SRGAP2: variants seen among roughly 807,000 people sequenced by gnomAD.
SRGAP2 encodes the protein SLIT-ROBO Rho GTPase activating protein 2.
Under a neutral mutation model 57.2 loss-of-function variants are expected in SRGAP2, and 15 were observed. The ratio of observed to expected loss-of-function variants is 0.26; its 90% CI spans 0.18 to 0.40. SRGAP2 has a LOEUF of 0.40. SRGAP2 is among the 10% of genes least tolerant of loss of function. The pLI, the probability that SRGAP2 is intolerant of heterozygous loss-of-function variation, is 1.00. For synonymous variants in SRGAP2, 249 were observed against 248.0 expected (o/e 1.00, Z -0.04); for missense variants, 520 against 669.6 (o/e 0.78, Z 2.47).
intron 5 of SRGAP2, among the ~76,000 whole-genome samples, chr1:206,392,182 C>T (rs373809194): frequency 0.016 from 2,342 of 150,844 alleles, 62 homozygotes; most frequent in African/African-American, 0.054. Flanking sequence ...AATGCCAGGC[C>T]GGTAAAAGGA....
intron 10 of SRGAP2, among the ~76,000 whole-genome samples, chr1:206,412,734 CA>C (rs1553360057): frequency 6.6e-6 from 1 of 152,214 alleles, no homozygotes; most frequent in African/African-American, 2.4e-5. Flanking sequence ...TGTCCAACAG[CA>C]ACAGAAACCT....
intron 3 of SRGAP2, among the ~76,000 whole-genome samples, chr1:206,318,648 T>G (rs61816784): frequency 0.13 from 18,825 of 150,578 alleles, 1,121 homozygotes; most frequent in African/African-American, 0.32. Context: ...TGCTGGTGTC[T>G]GCTTCTGGTG....
chr1:206,298,757 A>G (rs1447234542), intron 2 of SRGAP2, among the ~76,000 whole-genome samples: 2 of 152,218 alleles, frequency 1.3e-5, no homozygotes, highest in East Asian at 3.8e-4. Flanking sequence ...AAAAAACATA[A>G]TAAGAAAAAA....
chr1:206,378,377 A>G (rs553749348), intron 4 of SRGAP2, among the ~76,000 whole-genome samples: 691 of 152,208 alleles, frequency 4.5e-3, no homozygotes, highest in Non-Finnish European at 8.1e-3. Context: ...CTACATGGGA[A>G]GCTGAGGGAG....
At chr1:206,331,867 A>T in intron 3 of SRGAP2, among the ~76,000 whole-genome samples, 1 of 63,348 alleles carries the variant, frequency 1.6e-5, no homozygotes, top group Admixed American at 1.7e-4. Flanking sequence ...TTAGCTGGTG[A>T]TTTTGCTCGT....
intron 3 of SRGAP2, among the ~76,000 whole-genome samples, chr1:206,341,762 C>T (rs1675208890): frequency 6.6e-6 from 1 of 152,118 alleles, no homozygotes; most frequent in African/African-American, 2.4e-5. Context: ...TTTTGGGAGG[C>T]CAAGGTGGGT....
intron 2 of SRGAP2, among the ~76,000 whole-genome samples, chr1:206,258,939 G>A (rs1196251668): frequency 2.1e-5 from 3 of 142,964 alleles, no homozygotes; most frequent in Non-Finnish European, 3.0e-5. Context: ...GACAGAGCTC[G>A]GTGGCATGAT....
intron 14 of SRGAP2, among the ~76,000 whole-genome samples, chr1:206,435,688 TG>T (rs1244829191): frequency 6.6e-6 from 1 of 152,256 alleles, no homozygotes; most frequent in African/African-American, 2.4e-5. Context: ...GTCATGGCCC[TG>T]GTTCTTACTT....
At chr1:206,237,674 A>G (rs1667991342) in intron 2 of SRGAP2, among the ~76,000 whole-genome samples, 1 of 151,906 alleles carries the variant, frequency 6.6e-6, no homozygotes, top group African/African-American at 2.4e-5. Flanking sequence ...ATAATAATTT[A>G]ATATGTAATT....
At chr1:206,307,100 C>T (rs1372339648) in intron 3 of SRGAP2, among the ~76,000 whole-genome samples, 1 of 151,936 alleles carries the variant, frequency 6.6e-6, no homozygotes, top group African/African-American at 2.4e-5. Context: ...CAGCTAGATA[C>T]AGAGTGTCGA....
intron 13 of SRGAP2, among the ~76,000 whole-genome samples, chr1:206,427,082 T>A (rs1372902308): frequency 6.6e-6 from 1 of 152,176 alleles, no homozygotes; most frequent in South Asian, 2.1e-4. Flanking sequence ...GTTTTTTTTT[T>A]AGTCATTTCA....
At chr1:206,370,876 C>T (rs1435773344) in intron 4 of SRGAP2, among the ~76,000 whole-genome samples, 2 of 151,820 alleles carry the variant, frequency 1.3e-5, no homozygotes, top group African/African-American at 2.4e-5. Context: ...TGAACTGAAA[C>T]GTCAGAAAAC....
chr1:206,237,104 A>T (rs80273440), intron 2 of SRGAP2, among the ~76,000 whole-genome samples: 1 of 151,508 alleles, frequency 6.6e-6, no homozygotes, highest in South Asian at 2.1e-4. Flanking sequence ...AAAAAAAAAA[A>T]ATACAAAAAT....
intron 2 of SRGAP2, among the ~76,000 whole-genome samples, chr1:206,226,664 A>G (rs551143970): frequency 8.3e-4 from 127 of 152,176 alleles, no homozygotes; most frequent in African/African-American, 2.9e-3. Context: ...AATATATATT[A>G]AGATTTTATT....
chr1:206,257,771 G>T (rs1161541502), intron 2 of SRGAP2, among the ~76,000 whole-genome samples: 1 of 126,060 alleles, frequency 7.9e-6, no homozygotes, highest in African/African-American at 2.9e-5. Context: ...ATATATACAT[G>T]CAACAAATGA....
chr1:206,422,825 G>T (rs1285168894), intron 13 of SRGAP2, among the ~76,000 whole-genome samples: 1 of 152,198 alleles, frequency 6.6e-6, no homozygotes, highest in South Asian at 2.1e-4. Flanking sequence ...CTAGATTTGC[G>T]TAGGAGTTAC....
chr1:206,340,094 A>T (rs112046961), intron 3 of SRGAP2, among the ~76,000 whole-genome samples: 1,750 of 151,836 alleles, frequency 0.012, 32 homozygotes, highest in African/African-American at 0.04. Context: ...ACAAGTTCTC[A>T]ATAAAACTTA....
At position 206,439,968 on chromosome 1, in the gene SRGAP2, C is replaced by T; in HGVS notation, c.1769-8C>T. 1.3e-6 allele frequency: 1 copy of T among 780,574 alleles called. No homozygotes were observed. Among genetic ancestry groups the T allele is most frequent in the Non-Finnish European group, 2.4e-6 (1 of 417,838 alleles). 48.4% of individuals were successfully genotyped at this position (780,574 alleles called of 1,614,324 possible). ...GTGGAGGATAACACATGGCTTTCTT[C>T]TTTTCAGCAATGGACAACCTGCAGG... On this transcript the variant is annotated splice_region_variant and splice_polypyrimidine_tract_variant and intron_variant, in intron 16 of 22. Transcript: ENST00000573034.
At chr1:206,240,523 G>A (rs553552792) in intron 2 of SRGAP2, among the ~76,000 whole-genome samples, 13 of 152,106 alleles carry the variant, frequency 8.5e-5, no homozygotes, top group Admixed American at 8.5e-4. Context: ...ATTTGTTCAC[G>A]CCTAGGCCAT....
Sources: gnomAD v4.1 joint callset for allele counts (sites outside exome capture counted in the v4.1 genomes callset) on GRCh38, gnomAD v4.1.1 for gene constraint, MANE v1.5 for transcripts, NCBI Gene and HGNC (gene_info 2026-07-23, HGNC 2026-07-21) for gene names.